Variants in ADD3 observed in about 807,000 individuals in gnomAD.
The protein encoded by ADD3 is gamma-adducin.
Under a neutral mutation model 80.2 loss-of-function variants are expected in ADD3, and 25 were observed. The ratio of observed to expected loss-of-function variants is 0.31; its 90% CI spans 0.23 to 0.44. ADD3 has a LOEUF of 0.44. Ranked by LOEUF, ADD3 falls within the 20% of genes least tolerant of loss-of-function variation. ADD3 has a pLI of 1.00. For synonymous variants in ADD3, 284 were observed against 289.6 expected (o/e 0.98, Z 0.20); for missense variants, 829 against 847.5 (o/e 0.98, Z 0.27).
chr10:110,031,205 G>C (rs970232326), intron 1 of ADD3, among the ~76,000 whole-genome samples: 2 of 152,124 alleles, frequency 1.3e-5, no homozygotes, highest in African/African-American at 4.8e-5. Context: ...ACCCGGAGGG[G>C]GAGGTTGCAG....
In ADD3 at chr10:110,009,419, G is replaced by C. The variant is rs539871652; in HGVS notation, c.-30+1120G>C. On this transcript the variant is annotated intron_variant, in intron 1 of 14. Coordinates refer to ENST00000356080, the MANE Select transcript of ADD3 (RefSeq NM_016824.5). ...GCTTTAGAAGACTCCTAGTGAGAGT[G>C]TTTTTAAAGATTGAAAAAATAAGAG... 3.9e-5 allele frequency among the ~76,000 whole-genome samples: 6 copies of C among 152,236 alleles called. No homozygotes were observed. The South Asian group carries it at 1.0e-3, about 26-fold the overall frequency.
chr10:110,032,951 A>C (rs1855223901), intron 1 of ADD3, among the ~76,000 whole-genome samples: 1 of 152,254 alleles, frequency 6.6e-6, no homozygotes, highest in African/African-American at 2.4e-5. Flanking sequence ...TAGCCAATTT[A>C]AATAGAGCCA....
In ADD3 at chr10:110,040,941, TCTCG is replaced by T. The variant is rs1856252398; in HGVS notation, c.-30+32646_-30+32649del. Among the ~76,000 whole-genome samples, 3 of 96,838 alleles carry T rather than the reference TCTCG, an allele frequency of 3.1e-5. No individual in the cohort carries two copies. The East Asian group carries it at 1.0e-3, about 32-fold the overall frequency. The allele number at this position is 96,838 out of a possible 152,430, so 63.5% of individuals were successfully genotyped here. A position where few individuals can be genotyped will look rare whatever the true frequency, so the allele number is the denominator to read the frequency against. The stretch of plus-strand genomic sequence containing the variant: ...CTCTCTCTCTCTCGCTCTCTCTCTC[TCTCG>T]CTCTCTCTGTCTCTCTCTGTCTCTC... On this transcript the variant is annotated intron_variant, in intron 1 of 14. Transcript: ENST00000356080.
intron 4 of ADD3, among the ~76,000 whole-genome samples, chr10:110,117,101 A>G (rs2134097673): frequency 6.6e-6 from 1 of 152,354 alleles, no homozygotes; most frequent in Non-Finnish European, 1.5e-5. Flanking sequence ...AAATAACCTT[A>G]GAGCCCCAAA....
chr10:110,109,336 TA>T (rs1221978122), intron 2 of ADD3, among the ~76,000 whole-genome samples: 1 of 152,212 alleles, frequency 6.6e-6, no homozygotes, highest in East Asian at 1.9e-4. Flanking sequence ...AGCAAATGCA[TA>T]CAATTTTATG....
At position 110,132,318 on chromosome 10, in the gene ADD3, A is replaced by G. The variant is rs1853127548; in HGVS notation, c.1746A>G (p.Glu582=). The stretch of plus-strand genomic sequence containing the variant: ...CTTATCCAACAGATGCTGAGCAGGA[A>G]TTACTCTCAGATGACGCTTCATCTG... ...KQQGLEDAEQ[E]LLSDDASSVS... Residue 582 remains glutamate (E), a synonymous_variant, in exon 14 of 15, where the codon GAA becomes GAG. Transcript: ENST00000356080. The G allele has an allele frequency of 6.2e-6, 10 of 1,613,012 alleles. No homozygotes were observed. The highest frequency in any genetic ancestry group is 8.5e-6 in the Non-Finnish European group (10 of 1,179,278).
intron 1 of ADD3, among the ~76,000 whole-genome samples, chr10:110,043,155 T>C (rs557731917): frequency 6.6e-6 from 1 of 152,366 alleles, no homozygotes; most frequent in East Asian, 1.9e-4. Flanking sequence ...AAGATCTTGG[T>C]GTGTGTGGTT....
chr10:110,114,951 G>T lies in ADD3; in HGVS notation c.335-1308G>T, dbSNP rs570685856. ...AAAAATTAGCCAGGTGTGGCAGCAT[G>T]CCCTGTAGTCCTAGCTACTCAGGAG... On this transcript the variant is annotated intron_variant, in intron 3 of 14. Coordinates refer to ENST00000356080, the MANE Select transcript of ADD3 (RefSeq NM_016824.5). Among the ~76,000 whole-genome samples the T allele has an allele frequency of 5.3e-5, 8 of 152,018 alleles. No individual in the cohort carries two copies. The East Asian group carries it at 1.4e-3, about 26-fold the overall frequency.
chr10:110,132,583 T>C lies in ADD3; in HGVS notation c.1828+183T>C, dbSNP rs1052095475. The C allele has an allele frequency of 1.6e-5, 9 of 560,154 alleles. No individual in the cohort carries two copies. The Admixed American group carries it at 3.1e-4, about 19-fold the overall frequency. The allele number at this position is 560,154 out of a possible 1,614,324, so 34.7% of individuals were successfully genotyped here. A position where few individuals can be genotyped will look rare whatever the true frequency, so the allele number is the denominator to read the frequency against. On this transcript the variant is annotated intron_variant, in intron 14 of 14. Coordinates refer to ENST00000356080, the MANE Select transcript of ADD3 (RefSeq NM_016824.5). ...AATGGGGCGCTACTTTTGTTCAGCA[T>C]TTATATTGATTTACCTTAATCTGAA...
At chr10:110,038,961 T>G (rs142368747) in intron 1 of ADD3, among the ~76,000 whole-genome samples, 1 of 152,328 alleles carries the variant, frequency 6.6e-6, no homozygotes, top group African/African-American at 2.4e-5. Context: ...TGAATGTACA[T>G]GTATATGTGA....
At chr10:110,131,318 G>A (rs957673857) in intron 13 of ADD3, among the ~76,000 whole-genome samples, 3 of 152,124 alleles carry the variant, frequency 2.0e-5, no homozygotes, top group Non-Finnish European at 4.4e-5. Context: ...TTCCTAGCAG[G>A]AGTTCTCTAT....
At chr10:110,106,623 C>T (rs1004777207) in intron 2 of ADD3, among the ~76,000 whole-genome samples, 2 of 152,096 alleles carry the variant, frequency 1.3e-5, no homozygotes, top group African/African-American at 2.4e-5. Context: ...ACTCCCTCGA[C>T]ATTGATAGAT....
intron 2 of ADD3, among the ~76,000 whole-genome samples, chr10:110,111,629 C>G (rs1277044492): frequency 6.6e-6 from 1 of 152,162 alleles, no homozygotes; most frequent in African/African-American, 2.4e-5. Context: ...AAAAAACTGT[C>G]ATTTAGCCGG....
intron 1 of ADD3, among the ~76,000 whole-genome samples, chr10:110,086,012 C>A (rs185466544): frequency 2.0e-5 from 3 of 151,954 alleles, no homozygotes; most frequent in Non-Finnish European, 4.4e-5. Flanking sequence ...GGCTGAAGCA[C>A]GAGAATCGCT....
chr10:110,051,909 C>T (rs192870436), intron 1 of ADD3, among the ~76,000 whole-genome samples: 1 of 152,266 alleles, frequency 6.6e-6, no homozygotes, highest in Admixed American at 6.5e-5. Flanking sequence ...TTCAAGCGAT[C>T]CTCCAACCCA....
rs998387022 is a variant in ADD3 at position 110,134,987 on chromosome 10, C to T, written c.*1369C>T. ...GGCTTAATATAGGCGTTTCCCCTTTCACCCAAGTGATGTCACAGTTCGATG... is the reference window on the plus strand; with the variant it reads ...GGCTTAATATAGGCGTTTCCCCTTTTACCCAAGTGATGTCACAGTTCGATG... On this transcript the variant is annotated 3_prime_UTR_variant, in exon 15 of 15. Coordinates refer to ENST00000356080, the MANE Select transcript of ADD3 (RefSeq NM_016824.5). 1 of 152,220 alleles carries T rather than the reference C, an allele frequency of 6.6e-6. No individual in the cohort carries two copies. The highest frequency in any genetic ancestry group is 1.5e-5 in the Non-Finnish European group (1 of 68,036). The allele number at this position is 152,220 out of a possible 1,614,324, so 9.4% of individuals were successfully genotyped here.
intron 12 of ADD3, among the ~76,000 whole-genome samples, chr10:110,129,062 C>A (rs545596683): frequency 2.0e-5 from 3 of 152,108 alleles, no homozygotes; most frequent in African/African-American, 7.2e-5. Context: ...AAAAGAACTC[C>A]AGTCTCCTGC....
At chr10:110,063,767 AT>A (rs1564914263) in intron 1 of ADD3, among the ~76,000 whole-genome samples, 14 of 92,774 alleles carry the variant, frequency 1.5e-4, no homozygotes, top group African/African-American at 4.6e-4. Flanking sequence ...ATATATATAT[AT>A]ATATATATAT....
At chr10:110,122,382 C>A in intron 9 of ADD3, 90 bp downstream of exon 9, 1 of 1,165,078 alleles carries the variant, frequency 8.6e-7, no homozygotes, top group Non-Finnish European at 1.2e-6. Flanking sequence ...GCTCCATACT[C>A]TTCCAGAAGC....
Sources: gnomAD v4.1 joint callset for allele counts (sites outside exome capture counted in the v4.1 genomes callset) on GRCh38, gnomAD v4.1.1 for gene constraint, MANE v1.5 for transcripts, NCBI Gene and HGNC (gene_info 2026-07-23, HGNC 2026-07-21) for gene names.